The following VIPR2 variants were observed in gnomAD, a reference collection of about 807,000 sequenced individuals.
VIPR2 encodes the protein vasoactive intestinal polypeptide receptor 2.
Under a neutral mutation model 58.0 loss-of-function variants are expected in VIPR2, and 48 were observed. The ratio of observed to expected loss-of-function variants is 0.83; its 90% confidence interval spans 0.66 to 1.05. VIPR2 has a LOEUF of 1.05. Ranked by LOEUF, VIPR2 falls within the 50% of genes least tolerant of loss-of-function variation. The probability of loss-of-function intolerance (pLI) is 0.00; values close to 1 mark genes in which losing one functional copy is unlikely to be tolerated. For synonymous variants in VIPR2, 243 were observed against 235.2 expected, an observed-to-expected ratio of 1.03 and a Z score of -0.30; for missense variants, 534 against 558.0, an observed-to-expected ratio of 0.96 and a Z score of 0.43.
At chr7:159,078,277 T>C (rs1856744265) in intron 4 of VIPR2, among the ~76,000 whole-genome samples, 1 of 152,242 alleles carries the variant, frequency 6.6e-6, no homozygotes. Flanking sequence ...CTGTTCCAAC[T>C]AGTAACCTTT....
intron 4 of VIPR2, among the ~76,000 whole-genome samples, chr7:159,082,798 GCAGA>G (rs138047509): frequency 0.039 from 5,994 of 152,132 alleles, 207 homozygotes; most frequent in African/African-American, 0.083. Flanking sequence ...TTGCAGACAG[GCAGA>G]CAGACAAACA....
intron 10 of VIPR2, among the ~76,000 whole-genome samples, chr7:159,032,379 AC>A (rs1168305073): frequency 6.6e-6 from 1 of 151,944 alleles, no homozygotes; most frequent in African/African-American, 2.4e-5. Context: ...CCTGTGAGTG[AC>A]CCCAAACCTA....
chr7:159,105,160 G>A (rs529878326), intron 3 of VIPR2, among the ~76,000 whole-genome samples: 3 of 152,292 alleles, frequency 2.0e-5, no homozygotes, highest in East Asian at 1.9e-4. Flanking sequence ...TAAAGCTCTC[G>A]AAGGTGTCCG....
intron 2 of VIPR2, among the ~76,000 whole-genome samples, chr7:159,132,723 C>T (rs1468602527): frequency 2.0e-5 from 3 of 152,180 alleles, no homozygotes; most frequent in East Asian, 1.9e-4. Context: ...TCGTGAGTAT[C>T]TGCAAACCAC....
At chr7:159,103,923 C>T (rs930724218) in intron 3 of VIPR2, 69 bp from the exon 4 acceptor site, 34 of 1,350,750 alleles carry the variant, frequency 2.5e-5, no homozygotes, top group African/African-American at 2.0e-4. Context: ...GACCTTAGTC[C>T]GTGCTGAGCC....
chr7:159,096,765 T>G lies in VIPR2; in HGVS notation c.357+6992A>C. 7.1e-7 allele frequency: 1 copy of G among 1,406,584 alleles called. No individual in the cohort carries two copies. The highest frequency in any genetic ancestry group is 2.9e-5 in the Admixed American group (1 of 34,428). The allele number at this position is 1,406,584 out of a possible 1,614,324, so 87.1% of individuals were successfully genotyped here. ...AATGATTTCTGCCTGTGGCCAGATT[T>G]CTGCCCCTGCCTGAGGTCAGTCTCG... On this transcript the variant is annotated intron_variant, in intron 4 of 12. Transcript: ENST00000262178. This position sits in a 1 kb window ranked among gnomAD's most constrained non-coding sequence, Gnocchi z 5.5.
chr7:159,082,397 T>G (rs1856951838), intron 4 of VIPR2, among the ~76,000 whole-genome samples: 4 of 151,788 alleles, frequency 2.6e-5, no homozygotes. Flanking sequence ...TTCTCACTCA[T>G]AGGTGGGAAT....
At chr7:159,057,754 G>A (rs1563280393) in intron 5 of VIPR2, among the ~76,000 whole-genome samples, 1 of 152,054 alleles carries the variant, frequency 6.6e-6, no homozygotes, top group South Asian at 2.1e-4. Context: ...GCCGTTCTGG[G>A]ACCAAAACCT....
At chr7:159,131,059 G>A (rs572686568) in intron 2 of VIPR2, among the ~76,000 whole-genome samples, 12 of 152,286 alleles carry the variant, frequency 7.9e-5, no homozygotes, top group African/African-American at 2.4e-4. Flanking sequence ...ATGCAGAAAC[G>A]TAGATAATGG....
chr7:159,053,461 A>G (rs1208307198), intron 5 of VIPR2, among the ~76,000 whole-genome samples: 1 of 152,272 alleles, frequency 6.6e-6, no homozygotes, highest in Non-Finnish European at 1.5e-5. Flanking sequence ...TGGATGATTC[A>G]TAATTAGAAC....
At chr7:159,091,151 C>A (rs1005262345) in intron 4 of VIPR2, among the ~76,000 whole-genome samples, 9 of 152,262 alleles carry the variant, frequency 5.9e-5, no homozygotes, top group Non-Finnish European at 1.2e-4. Flanking sequence ...TCCTTGGGAA[C>A]CTACTTTGCC....
chr7:159,059,298 C>T (rs1855498825), intron 4 of VIPR2: 1 of 471,330 alleles, frequency 2.1e-6, no homozygotes, highest in Middle Eastern at 3.2e-4. Flanking sequence ...AGGGCATCAT[C>T]ATCACTCGCC....
intron 6 of VIPR2, among the ~76,000 whole-genome samples, chr7:159,037,468 G>T (rs1280029814): frequency 6.6e-6 from 1 of 152,250 alleles, no homozygotes. Context: ...AGCAGCTCAG[G>T]TGAGCAGCGC....
Position 159,031,592 on chromosome 7 carries a change from G to C in VIPR2, c.1143+236C>G. The stretch of plus-strand genomic sequence containing the variant: ...CGAGAGGGCTCCGAGACGGACGGCA[G>C]TCGATGCTACTTAGGGTGGACGGAA... On this transcript the variant is annotated intron_variant, in intron 12 of 12. Transcript: ENST00000262178. This position sits in a 1 kb window ranked among gnomAD's most constrained non-coding sequence, Gnocchi z 4.0. 1.0e-6 allele frequency: 1 copy of C among 985,452 alleles called. No homozygotes were observed. The highest frequency in any genetic ancestry group is 1.2e-6 in the Non-Finnish European group (1 of 829,942). 61.0% of individuals were successfully genotyped at this position (985,452 alleles called of 1,614,324 possible). A position where few individuals can be genotyped will look rare whatever the true frequency, so the allele number is the denominator to read the frequency against.
chr7:159,052,365 C>A (rs556534536), intron 5 of VIPR2, among the ~76,000 whole-genome samples: 1 of 152,068 alleles, frequency 6.6e-6, no homozygotes, highest in African/African-American at 2.4e-5. Flanking sequence ...ACAAAGAAAC[C>A]GAGAGTCTGA....
chr7:159,136,202 G>C (rs910757375), intron 2 of VIPR2, among the ~76,000 whole-genome samples: 2 of 152,166 alleles, frequency 1.3e-5, no homozygotes, highest in Non-Finnish European at 2.9e-5. Flanking sequence ...GGACTTTTCA[G>C]GGTTCCCAGG....
At position 159,125,527 on chromosome 7, in the gene VIPR2, C is replaced by T. The variant is rs541074702; in HGVS notation, c.152-15608G>A. ...ACTCTCAGAGTCTGGGAAGTCAGCA[C>T]CTCCTGCAGCAGCTGTCCACCTTAG... On this transcript the variant is annotated intron_variant, in intron 2 of 12. Transcript: ENST00000262178. Among the ~76,000 whole-genome samples the T allele has an allele frequency of 3.9e-5, 6 of 152,328 alleles. No individual in the cohort carries two copies. In the South Asian group the frequency reaches 1.2e-3, roughly 32 times the overall value.
chr7:159,123,944 T>C (rs1254098611), intron 2 of VIPR2, among the ~76,000 whole-genome samples: 1 of 152,244 alleles, frequency 6.6e-6, no homozygotes, highest in Non-Finnish European at 1.5e-5. Flanking sequence ...GTTGCATGTA[T>C]GTTTTCTTTT....
intron 2 of VIPR2, among the ~76,000 whole-genome samples, chr7:159,142,229 G>C (rs904074579): frequency 6.6e-6 from 1 of 152,182 alleles, no homozygotes; most frequent in Non-Finnish European, 1.5e-5. Context: ...TACTGCTAAG[G>C]ATTAAGGTTA....
Sources: gnomAD v4.1 joint callset for allele counts (sites outside exome capture counted in the v4.1 genomes callset) on GRCh38, gnomAD v4.1.1 for gene constraint, Gnocchi (gnomAD v3.1) non-coding constraint, MANE v1.5 for transcripts, NCBI Gene and HGNC (gene_info 2026-07-23, HGNC 2026-07-21) for gene names.